Variants in CIAO2A observed in about 807,000 individuals in gnomAD.
CIAO2A encodes the protein MIP18 family protein FAM96A.
A neutral mutation model predicts 22.4 loss-of-function variants in CIAO2A; 17 were observed. That is an observed-to-expected ratio of 0.76 (90% CI 0.52 to 1.14). The LOEUF (loss-of-function observed/expected upper bound fraction) is 1.14, where lower values mean the gene tolerates loss of function less well. CIAO2A is among the 50% of genes most tolerant of loss of function. CIAO2A has a pLI of 0.00. For synonymous variants in CIAO2A, 74 were observed against 72.3 expected (o/e 1.02, Z -0.12); for missense variants, 192 against 191.4 (o/e 1.00, Z -0.02).
intron 1 of CIAO2A, among the ~76,000 whole-genome samples, 163 bp from the exon 2 acceptor site, chr15:64,089,014 G>A (rs1337577177): frequency 6.6e-6 from 1 of 152,144 alleles, no homozygotes; most frequent in Non-Finnish European, 1.5e-5. Flanking sequence ...GTTTCCTCTT[G>A]AGAAAACTGT....
At chr15:64,084,166 G>A (rs1238610010) in intron 2 of CIAO2A, among the ~76,000 whole-genome samples, 1 of 152,006 alleles carries the variant, frequency 6.6e-6, no homozygotes, top group African/African-American at 2.4e-5. Context: ...CAATCATGAT[G>A]CAATTTGAAC....
chr15:64,085,555 T>C (rs2080788009), intron 2 of CIAO2A, among the ~76,000 whole-genome samples: 1 of 152,324 alleles, frequency 6.6e-6, no homozygotes, highest in South Asian at 2.1e-4. Context: ...ATAATTCATG[T>C]ATTTCATGCT....
At chr15:64,090,659 A>G (rs991156437) in intron 1 of CIAO2A, among the ~76,000 whole-genome samples, 17 of 152,238 alleles carry the variant, frequency 1.1e-4, no homozygotes, top group African/African-American at 3.9e-4. Context: ...TTGTCACCCC[A>G]GCCAGCTGTA....
chr15:64,078,639 C>CAAAAAAAAAAAAAAAAAAAA (rs56266808), intron 3 of CIAO2A, among the ~76,000 whole-genome samples: 4 of 129,152 alleles, frequency 3.1e-5, no homozygotes, highest in African/African-American at 1.2e-4. Flanking sequence ...CCATCGCAAA[C>CAAAAAAAAAAAAAAAAAAAA]AAAAAAAAAA....
At chr15:64,092,063 C>CAAAAAAAA in intron 1 of CIAO2A, among the ~76,000 whole-genome samples, 1 of 63,714 alleles carries the variant, frequency 1.6e-5, no homozygotes, top group Non-Finnish European at 3.1e-5. Context: ...GACCCTGTCT[C>CAAAAAAAA]AAAAAAAAAA....
intron 3 of CIAO2A, 122 bp downstream of exon 3, chr15:64,080,980 A>G (rs2080755146): frequency 3.5e-6 from 3 of 865,682 alleles, no homozygotes; most frequent in Non-Finnish European, 5.3e-6. Flanking sequence ...TCAACTGAGT[A>G]ACAGACAAGC....
rs548248324 is a variant in CIAO2A, at chr15:64,088,697, C to T, written c.279G>A (p.Ala93=). Residue 93 remains alanine, a synonymous_variant, in exon 2 of 5, where the codon GCG becomes GCA. Transcript: ENST00000300030. ...FTPTVPHCSL[A]TLIGLCLRVK... ...TACAGAAAAACTTACCAATAAGAGT[C>T]GCCAAAGAGCAATGAGGTACTGTTG... 8 of 1,608,144 alleles carry T rather than the reference C, an allele frequency of 5.0e-6. No individual in the cohort carries two copies. Among genetic ancestry groups the T allele is most frequent in the African/African-American group, 1.3e-5 (1 of 74,506 alleles).
chr15:64,085,553 T>C (rs1366262738), intron 2 of CIAO2A, among the ~76,000 whole-genome samples: 4 of 152,332 alleles, frequency 2.6e-5, no homozygotes, highest in Admixed American at 2.0e-4. Context: ...AAATAATTCA[T>C]GTATTTCATG....
intron 2 of CIAO2A, among the ~76,000 whole-genome samples, chr15:64,086,634 G>A (rs1460295285): frequency 7.1e-6 from 1 of 140,856 alleles, no homozygotes; most frequent in Non-Finnish European, 1.5e-5. Context: ...TTTTTTTTGA[G>A]ACAGAGTCTT....
chr15:64,081,534 CCTTTTTTT>C (rs2080759106), intron 2 of CIAO2A, among the ~76,000 whole-genome samples: 1 of 24,406 alleles, frequency 4.1e-5, no homozygotes, highest in Admixed American at 4.0e-4. Context: ...ACTCATTAAG[CCTTTTTTT>C]TTTTTTTTTT....
At chr15:64,093,514 A>AAAAC (rs752283548) in intron 1 of CIAO2A, 131 bp downstream of exon 1, 310 of 1,170,968 alleles carry the variant, frequency 2.6e-4, no homozygotes, top group East Asian at 1.3e-3. Flanking sequence ...GATCTGGCCA[A>AAAAC]AAACAAACAA....
At chr15:64,078,176 A>C (rs1399006610) in intron 3 of CIAO2A, among the ~76,000 whole-genome samples, 1 of 152,190 alleles carries the variant, frequency 6.6e-6, no homozygotes, top group African/African-American at 2.4e-5. Flanking sequence ...ATTGTAATTA[A>C]AACAGTTAAA....
rs2080817636 is a variant in CIAO2A, at chr15:64,088,800, A to G, written c.176T>C (p.Leu59Pro). The part of the protein sequence containing the change: ...DPEKPNTLEE[L>P]EVVSESCVEV... ...CACACAACTTTCCGAGACCACTTCC[A>G]GTTCTTCTAAAGTATTGGGCTTTTC... Residue 59 changes from leucine to proline, a missense_variant, in exon 2 of 5, where the codon CTG becomes CCG. Physicochemically the swap from Leu to Pro is moderately conservative, Grantham distance 98. Transcript: ENST00000300030. The G allele has an allele frequency of 3.7e-6, 6 of 1,614,080 alleles. No homozygotes were observed. The East Asian group carries it at 1.3e-4, about 36-fold the overall frequency.
chr15:64,087,371 G>T (rs747065668), intron 2 of CIAO2A, among the ~76,000 whole-genome samples: 1 of 152,082 alleles, frequency 6.6e-6, no homozygotes, highest in African/African-American at 2.4e-5. Flanking sequence ...GATTACAGGC[G>T]TAAGCCACCG....
intron 1 of CIAO2A, among the ~76,000 whole-genome samples, chr15:64,089,223 T>C (rs956000232): frequency 2.6e-5 from 4 of 152,092 alleles, no homozygotes; most frequent in African/African-American, 9.7e-5. Flanking sequence ...ATATTTGACA[T>C]TTAAAGTGAA....
chr15:64,073,228 C>T (rs1187694433), intron 4 of CIAO2A, among the ~76,000 whole-genome samples, 200 bp from the exon 5 acceptor site: 1 of 152,282 alleles, frequency 6.6e-6, no homozygotes, highest in Middle Eastern at 3.4e-3. Context: ...TACTACTTAA[C>T]CACATCTATT....
chr15:64,075,540 GGAA>G lies in CIAO2A; in HGVS notation c.340-6_340-4del. On this transcript the variant is annotated splice_polypyrimidine_tract_variant and splice_region_variant and intron_variant, in intron 3 of 4. Transcript: ENST00000300030. ...CCTTCAGAAATGTAGATTTCCAACT[GGAA>G]AGTGGGAAAAAAAGTAAAAGAAAAA... 1.3e-6 allele frequency: 2 copies of G among 1,567,196 alleles called. No homozygotes were observed. Among genetic ancestry groups the G allele is most frequent in the South Asian group, 2.3e-5 (2 of 85,960 alleles).
intron 2 of CIAO2A, 21 bp downstream of exon 2, chr15:64,088,666 T>C (rs370841346): frequency 1.6e-5 from 25 of 1,579,710 alleles, no homozygotes; most frequent in Middle Eastern, 3.3e-4. Flanking sequence ...TAAATATACA[T>C]GTATGTACAG....
In CIAO2A at chr15:64,072,855, T is replaced by C; in HGVS notation, c.*76A>G. Reference sequence around the variant, plus strand: ...GTACAAATCACCTATGTATTAAACATGAGTCTCTGACATTATACAAAGAGT... The same window carrying C: ...GTACAAATCACCTATGTATTAAACACGAGTCTCTGACATTATACAAAGAGT... On this transcript the variant is annotated 3_prime_UTR_variant, in exon 5 of 5. Coordinates refer to ENST00000300030, the MANE Select transcript of CIAO2A (RefSeq NM_032231.7). The C allele has an allele frequency of 2.1e-6, 2 of 938,522 alleles. No homozygotes were observed. Among genetic ancestry groups the C allele is most frequent in the Admixed American group, 2.1e-5 (1 of 48,170 alleles). The allele number at this position is 938,522 out of a possible 1,614,324, so 58.1% of individuals were successfully genotyped here.
Sources: gnomAD v4.1 joint callset for allele counts (sites outside exome capture counted in the v4.1 genomes callset) on GRCh38, gnomAD v4.1.1 for gene constraint, MANE v1.5 for transcripts, NCBI Gene and HGNC (gene_info 2026-07-23, HGNC 2026-07-21) for gene names.